FHIT: variants seen among roughly 807,000 people sequenced by gnomAD.
The protein encoded by FHIT is fragile histidine triad diadenosine triphosphatase.
A neutral mutation model predicts 17.9 loss-of-function variants in FHIT; 19 were observed. The observed-to-expected ratio is 1.06, with a 90% CI of 0.74 to 1.56. FHIT has a LOEUF of 1.56. Ranked by LOEUF, FHIT falls within the 40% of genes most tolerant of loss-of-function variation. The probability of loss-of-function intolerance (pLI) is 0.00; values close to 1 mark genes in which losing one functional copy is unlikely to be tolerated. For synonymous variants in FHIT, 81 were observed against 69.7 expected (o/e 1.16, Z -0.81); for missense variants, 248 against 189.2 (o/e 1.31, Z -1.82).
At chr3:60,663,354 C>G (rs368775090) in intron 4 of FHIT, among the ~76,000 whole-genome samples, 78 of 151,586 alleles carry the variant, frequency 5.1e-4, no homozygotes, top group African/African-American at 1.8e-3. Flanking sequence ...TTCCAAGTCT[C>G]TACTCATTTA....
chr3:61,134,400 CA>C (rs1426125249), intron 2 of FHIT, among the ~76,000 whole-genome samples: 1 of 152,088 alleles, frequency 6.6e-6, no homozygotes, highest in Non-Finnish European at 1.5e-5. Flanking sequence ...TACTATGGTC[CA>C]AGCATTCTAT....
intron 5 of FHIT, among the ~76,000 whole-genome samples, chr3:60,271,636 T>G (rs1480894347): frequency 6.6e-6 from 1 of 152,188 alleles, no homozygotes; most frequent in East Asian, 1.9e-4. Flanking sequence ...TAGAGGTCAA[T>G]GTATGGCACA....
At chr3:60,502,874 T>G (rs748439347) in intron 5 of FHIT, among the ~76,000 whole-genome samples, 33 of 152,186 alleles carry the variant, frequency 2.2e-4, no homozygotes, top group African/African-American at 3.4e-4. Flanking sequence ...GCCTTAGAAA[T>G]TCACTTGGTG....
chr3:60,617,572 C>T (rs1475495110), intron 4 of FHIT: 1 of 152,642 alleles, frequency 6.6e-6, no homozygotes, highest in Non-Finnish European at 1.5e-5. Flanking sequence ...AGGCAAGTTT[C>T]AATTTGAACA....
chr3:60,541,910 C>G (rs1478868449), intron 4 of FHIT, among the ~76,000 whole-genome samples: 1 of 152,178 alleles, frequency 6.6e-6, no homozygotes, highest in Non-Finnish European at 1.5e-5. Context: ...TTATCATGAG[C>G]CCATGAAAGG....
intron 2 of FHIT, among the ~76,000 whole-genome samples, chr3:61,167,628 C>CAAAAAAAAA (rs34229498): frequency 1.0e-5 from 1 of 98,938 alleles, no homozygotes. Flanking sequence ...AACTGTGTCT[C>CAAAAAAAAA]AAAAAAAAAA....
chr3:60,564,510 C>T (rs556465912), intron 4 of FHIT, among the ~76,000 whole-genome samples: 54 of 152,176 alleles, frequency 3.5e-4, no homozygotes, highest in Non-Finnish European at 6.6e-4. Flanking sequence ...AAATTGAAAA[C>T]CTGGAAAGGA....
At chr3:60,871,784 C>T (rs535620197) in intron 3 of FHIT, among the ~76,000 whole-genome samples, 2 of 152,170 alleles carry the variant, frequency 1.3e-5, no homozygotes, top group East Asian at 3.9e-4. Context: ...TAGGCACACA[C>T]CACCATACCC....
At chr3:59,845,124 T>C (rs1003881846) in intron 8 of FHIT, among the ~76,000 whole-genome samples, 1 of 152,162 alleles carries the variant, frequency 6.6e-6, no homozygotes, top group African/African-American at 2.4e-5. Context: ...GTAGACTTGA[T>C]AGCAATGTCC....
chr3:60,986,840 T>C (rs1319308703), intron 3 of FHIT, among the ~76,000 whole-genome samples: 1 of 152,208 alleles, frequency 6.6e-6, no homozygotes, highest in Non-Finnish European at 1.5e-5. Context: ...GGGCACTTAC[T>C]CATTAATTCT....
chr3:60,569,313 C>G (rs2856012), intron 4 of FHIT, among the ~76,000 whole-genome samples: 145,155 of 152,248 alleles, frequency 0.95, 69,257 homozygotes, highest in East Asian at 1. Context: ...CACCAAAGGA[C>G]ACTGGCGTGG....
rs563595713 is a variant in FHIT at position 59,862,143 on chromosome 3, G to C, written c.348+60203C>G. ...GCTGGGTAATTTATAAAGAAAAAGA[G>C]GTTTAATGGACTCACAGCCCCACAT... On this transcript the variant is annotated intron_variant, in intron 8 of 9. Transcript: ENST00000492590. 2.6e-5 allele frequency among the ~76,000 whole-genome samples: 4 copies of C among 152,316 alleles called. No homozygotes were observed. In the South Asian group the frequency reaches 8.3e-4, roughly 32 times the overall value.
Position 60,517,026 on chromosome 3 carries a change from G to A in FHIT, c.103+19834C>T, listed in dbSNP as rs145898485. Among the ~76,000 whole-genome samples the A allele has an allele frequency of 6.4e-3, 973 of 152,278 alleles. 12 individuals carry two copies. The highest frequency in any genetic ancestry group is 0.022 in the African/African-American group (917 of 41,570). On this transcript the variant is annotated intron_variant, in intron 5 of 9. Transcript: ENST00000492590. Reference sequence around the variant, plus strand: ...CCCTTTCATGTTCAAAGTCACATCAGACAGGGGAAATTCTTTAATGTAATT... The same window carrying A: ...CCCTTTCATGTTCAAAGTCACATCAAACAGGGGAAATTCTTTAATGTAATT...
intron 8 of FHIT, among the ~76,000 whole-genome samples, chr3:59,815,180 T>C (rs1028432371): frequency 6.6e-6 from 1 of 152,122 alleles, no homozygotes; most frequent in Non-Finnish European, 1.5e-5. Flanking sequence ...TGTCTGTCTG[T>C]TTTTTGTTTT....
At chr3:61,021,594 G>A (rs1405965174) in intron 3 of FHIT, among the ~76,000 whole-genome samples, 21 of 67,590 alleles carry the variant, frequency 3.1e-4, no homozygotes, top group South Asian at 2.1e-3. Flanking sequence ...GCGAGACTCC[G>A]TCTCAAAAAA....
intron 7 of FHIT, among the ~76,000 whole-genome samples, chr3:59,937,261 T>C (rs1468098943): frequency 6.6e-6 from 1 of 152,122 alleles, no homozygotes; most frequent in African/African-American, 2.4e-5. Flanking sequence ...TTTTTCTTTG[T>C]CCAACAGCCA....
intron 4 of FHIT, among the ~76,000 whole-genome samples, chr3:60,724,761 GC>G (rs1553708963): frequency 6.7e-6 from 1 of 148,386 alleles, no homozygotes; most frequent in African/African-American, 2.5e-5. Context: ...CAGTTCTGCT[GC>G]CTTAGCCTCA....
intron 4 of FHIT, among the ~76,000 whole-genome samples, chr3:60,610,996 C>G (rs373163861): frequency 1.8e-4 from 27 of 152,262 alleles, no homozygotes; most frequent in African/African-American, 6.5e-4. Flanking sequence ...TAGGAGTCAT[C>G]ACAGCTACTC....
chr3:60,785,934 C>CACACACACACACAG (rs139392863), intron 4 of FHIT, among the ~76,000 whole-genome samples: 1,963 of 137,722 alleles, frequency 0.014, 35 homozygotes, highest in African/African-American at 0.039. Flanking sequence ...CACACACACA[C>CACACACACACACAG]AGAGAGAGTA....
Sources: allele counts gnomAD v4.1 joint callset (sites outside exome capture counted in the v4.1 genomes callset), GRCh38; gene constraint gnomAD v4.1.1; transcripts MANE v1.5; gene names NCBI Gene and HGNC (gene_info 2026-07-23, HGNC 2026-07-21).